The following FAM174A variants were observed in gnomAD, a reference collection of about 807,000 sequenced individuals.
The protein encoded by FAM174A is family with sequence similarity 174 member A.
In FAM174A, 14 loss-of-function variants were observed where a neutral mutation model predicts 14.3. The observed-to-expected ratio is 0.98, with a 90% CI of 0.65 to 1.53. The LOEUF (loss-of-function observed/expected upper bound fraction) is 1.53, where lower values mean the gene tolerates loss of function less well. FAM174A is among the 40% of genes most tolerant of loss of function. FAM174A has a pLI of 0.00. For missense variants in FAM174A, 241 were observed against 249.6 expected, an observed-to-expected ratio of 0.97 and a Z score of 0.23; for synonymous variants, 108 against 111.4, an observed-to-expected ratio of 0.97 and a Z score of 0.19.
In FAM174A at chr5:100,569,387, A is replaced by T. The variant is rs184782450; in HGVS notation, c.569+7199A>T. ...AGTTACATATTACTCTATAGAGGCT[A>T]TTATTATATATATATATTTACAGCT... On this transcript the variant is annotated intron_variant, in intron 2 of 2. Transcript: ENST00000312637. Among the ~76,000 whole-genome samples, 245 of 97,412 alleles carry T rather than the reference A, an allele frequency of 2.5e-3. 7 individuals are homozygous for T. In the East Asian group the frequency reaches 0.045, roughly 18 times the overall value. The allele number at this position is 97,412 out of a possible 152,430, so 63.9% of individuals were successfully genotyped here.
chr5:100,569,588 A>G (rs1746733638), intron 2 of FAM174A, among the ~76,000 whole-genome samples: 1 of 151,826 alleles, frequency 6.6e-6, no homozygotes, highest in Non-Finnish European at 1.5e-5. Flanking sequence ...AATTTCTGGG[A>G]GCAGAATTAT....
chr5:100,543,947 C>T (rs1746115618), intron 1 of FAM174A, among the ~76,000 whole-genome samples: 1 of 152,102 alleles, frequency 6.6e-6, no homozygotes, highest in Admixed American at 6.5e-5. Flanking sequence ...ACATTATTTC[C>T]AGGGGACTAT....
intron 1 of FAM174A, among the ~76,000 whole-genome samples, chr5:100,544,192 C>T (rs1263235524): frequency 6.6e-6 from 1 of 152,040 alleles, no homozygotes; most frequent in African/African-American, 2.4e-5. Context: ...GAGACTTCAT[C>T]CCTACTAAAA....
chr5:100,577,959 A>G (rs1746934698), intron 2 of FAM174A, among the ~76,000 whole-genome samples: 1 of 152,158 alleles, frequency 6.6e-6, no homozygotes, highest in African/African-American at 2.4e-5. Context: ...TATGAATAGC[A>G]GTTTCATAGA....
intron 2 of FAM174A, among the ~76,000 whole-genome samples, chr5:100,585,539 G>C (rs1469935282): frequency 6.6e-6 from 1 of 152,058 alleles, no homozygotes; most frequent in African/African-American, 2.4e-5. Context: ...TCAGCCTCCT[G>C]AGTAGCTGGG....
intron 2 of FAM174A, among the ~76,000 whole-genome samples, chr5:100,568,262 C>T (rs1468706564): frequency 1.3e-5 from 2 of 151,840 alleles, no homozygotes; most frequent in Admixed American, 6.6e-5. Context: ...GTCCTTGTAA[C>T]TCGGTCCCAT....
intron 1 of FAM174A, among the ~76,000 whole-genome samples, chr5:100,557,396 T>C (rs1746414082): frequency 6.6e-6 from 1 of 152,176 alleles, no homozygotes; most frequent in African/African-American, 2.4e-5. Flanking sequence ...TCTAAAATTC[T>C]CTTTTTTTGT....
chr5:100,538,051 A>C (rs1745973623), intron 1 of FAM174A, among the ~76,000 whole-genome samples: 1 of 152,188 alleles, frequency 6.6e-6, no homozygotes, highest in Non-Finnish European at 1.5e-5. Flanking sequence ...ACTATGGCTA[A>C]TAAAAAGTGC....
chr5:100,554,607 G>A (rs941898255), intron 1 of FAM174A, among the ~76,000 whole-genome samples: 1 of 151,716 alleles, frequency 6.6e-6, no homozygotes, highest in Non-Finnish European at 1.5e-5. Flanking sequence ...ACCACGCCTG[G>A]ACTATTTTTC....
rs1194624490 is a variant in FAM174A at position 100,586,252 on chromosome 5, A to C, written c.*68A>C. Reference sequence around the variant, plus strand: ...AGAGTGGAATTTCTATGTTTAAGGAATAAGAAGCCACTATATCAATGTTGG... The same window carrying C: ...AGAGTGGAATTTCTATGTTTAAGGACTAAGAAGCCACTATATCAATGTTGG... On this transcript the variant is annotated 3_prime_UTR_variant, in exon 3 of 3. Transcript: ENST00000312637. 1 of 1,131,754 alleles carries C rather than the reference A, an allele frequency of 8.8e-7. No homozygotes were observed. The highest frequency in any genetic ancestry group is 1.3e-6 in the Non-Finnish European group (1 of 785,742). 70.1% of individuals were successfully genotyped at this position (1,131,754 alleles called of 1,614,324 possible).
At chr5:100,554,794 T>TATCA (rs1195314463) in intron 1 of FAM174A, among the ~76,000 whole-genome samples, 1 of 152,164 alleles carries the variant, frequency 6.6e-6, no homozygotes, top group Non-Finnish European at 1.5e-5. Flanking sequence ...TCTATCTATC[T>TATCA]ATCAATCATC....
At chr5:100,563,806 G>A (rs1175303484) in intron 2 of FAM174A, among the ~76,000 whole-genome samples, 2 of 151,638 alleles carry the variant, frequency 1.3e-5, no homozygotes, top group African/African-American at 2.4e-5. Context: ...CAACCTCCAT[G>A]GAATAGAAAT....
intron 2 of FAM174A, among the ~76,000 whole-genome samples, chr5:100,572,085 A>G (rs1453262648): frequency 6.6e-6 from 1 of 152,076 alleles, no homozygotes; most frequent in Non-Finnish European, 1.5e-5. Flanking sequence ...AAAGTTTTAC[A>G]GAAGTACTTT....
intron 2 of FAM174A, among the ~76,000 whole-genome samples, chr5:100,578,809 A>T (rs1000018798): frequency 6.6e-6 from 1 of 152,016 alleles, no homozygotes; most frequent in Non-Finnish European, 1.5e-5. Context: ...GCATAGCCCA[A>T]TGTGTTGCAT....
chr5:100,543,158 TTTA>T (rs1284436924), intron 1 of FAM174A, among the ~76,000 whole-genome samples: 2 of 152,096 alleles, frequency 1.3e-5, no homozygotes, highest in East Asian at 3.9e-4. Flanking sequence ...CTGCATTTCT[TTTA>T]TTTATTTAGA....
At chr5:100,554,411 G>C (rs1746322626) in intron 1 of FAM174A, among the ~76,000 whole-genome samples, 1 of 147,564 alleles carries the variant, frequency 6.8e-6, no homozygotes, top group African/African-American at 2.5e-5. Context: ...CTGCCTCCCA[G>C]GTTCAAGCCA....
chr5:100,579,117 T>C (rs1746956996), intron 2 of FAM174A, among the ~76,000 whole-genome samples: 1 of 152,256 alleles, frequency 6.6e-6, no homozygotes, highest in Non-Finnish European at 1.5e-5. Context: ...TCCATGTCAC[T>C]GCCATATAAT....
intron 1 of FAM174A, among the ~76,000 whole-genome samples, chr5:100,546,961 T>C (rs1475810818): frequency 6.6e-6 from 1 of 152,188 alleles, no homozygotes; most frequent in Admixed American, 6.5e-5. Context: ...TTATTTTGAC[T>C]CCTTTAGTCT....
intron 2 of FAM174A, among the ~76,000 whole-genome samples, chr5:100,581,160 C>A (rs1387889189): frequency 1.3e-5 from 2 of 152,082 alleles, no homozygotes; most frequent in African/African-American, 4.8e-5. Flanking sequence ...GAACTCCTGA[C>A]TGCAGGTGAT....
Sources: gnomAD v4.1 joint callset for allele counts (sites outside exome capture counted in the v4.1 genomes callset) on GRCh38, gnomAD v4.1.1 for gene constraint, MANE v1.5 for transcripts, NCBI Gene and HGNC (gene_info 2026-07-23, HGNC 2026-07-21) for gene names.